Variants in ELMO1 observed in about 807,000 individuals in gnomAD.
ELMO1 encodes engulfment and cell motility 1.
ELMO1 carries 26 observed loss-of-function variants against 98.9 expected under a neutral mutation model. The observed-to-expected ratio is 0.26, with a 90% confidence interval of 0.19 to 0.36. The LOEUF (loss-of-function observed/expected upper bound fraction) is 0.36, where lower values mean the gene tolerates loss of function less well. ELMO1 is among the 10% of genes least tolerant of loss of function. The pLI is 1.00. For synonymous variants in ELMO1, 346 were observed against 346.0 expected, an observed-to-expected ratio of 1.00 and a Z score of 0.00; for missense variants, 627 against 935.2, an observed-to-expected ratio of 0.67 and a Z score of 4.30.
At chr7:37,256,572 AAG>A (rs1795662086) in intron 6 of ELMO1, among the ~76,000 whole-genome samples, 1 of 120,326 alleles carries the variant, frequency 8.3e-6, no homozygotes, top group African/African-American at 3.2e-5. Flanking sequence ...GGAAGGAAGG[AAG>A]GAAAGGAGGG....
intron 15 of ELMO1, among the ~76,000 whole-genome samples, chr7:37,055,449 A>G (rs1796342755): frequency 6.6e-6 from 1 of 152,200 alleles, no homozygotes; most frequent in Non-Finnish European, 1.5e-5. Context: ...ACTTTCAAGT[A>G]TGTGTGTAAA....
At chr7:37,023,418 T>C (rs1229021552) in intron 15 of ELMO1, among the ~76,000 whole-genome samples, 2 of 152,142 alleles carry the variant, frequency 1.3e-5, no homozygotes, top group South Asian at 2.1e-4. Context: ...CCATCACCTC[T>C]AGAAATAGGG....
rs148707437 is a variant in ELMO1 at position 37,220,580 on chromosome 7, C to T, written c.780+2035G>A. Among the ~76,000 whole-genome samples the T allele has an allele frequency of 3.4e-4, 52 of 152,224 alleles. 1 individual carries two copies. In the East Asian group the frequency reaches 6.9e-3, roughly 20 times the overall value. ...ACAAAATCCAAACCTAATCTTATAT[C>T]GACATTCCATTATATTACCATTATT... On this transcript the variant is annotated intron_variant, in intron 10 of 21. Coordinates refer to ENST00000310758, the MANE Select transcript of ELMO1 (RefSeq NM_014800.11).
chr7:37,100,659 T>A (rs1426054950), intron 14 of ELMO1, among the ~76,000 whole-genome samples: 1 of 152,242 alleles, frequency 6.6e-6, no homozygotes, highest in Non-Finnish European at 1.5e-5. Context: ...GCTTCTTCCA[T>A]GCCCTGTCAC....
At chr7:37,441,254 C>CA (rs55878609) in intron 1 of ELMO1, among the ~76,000 whole-genome samples, 152,165 of 152,166 alleles carry the variant, frequency 1, 76,082 homozygotes, top group Non-Finnish European at 1. Flanking sequence ...TATAACCCAG[C>CA]ATATTTCTAC....
rs6150082 is a variant in ELMO1 at position 37,161,905 on chromosome 7, AATATATATATATATATATAT to A, written c.1087-28691_1087-28672del. 6.1e-4 allele frequency among the ~76,000 whole-genome samples: 26 copies of A among 42,438 alleles called. 2 individuals are homozygous for A. Among genetic ancestry groups the A allele is most frequent in the East Asian group, 3.4e-3 (6 of 1,786 alleles). 27.8% of individuals were successfully genotyped at this position (42,438 alleles called of 152,430 possible). ...ATTATAGAAAGCCTTCAGGTAATCA[AATATATATATATATATATAT>A]ATATATATATGTTAAGCGTGATGTA... is the stretch of plus-strand genomic sequence containing the variant. On this transcript the variant is annotated intron_variant, in intron 13 of 21. Transcript: ENST00000310758.
intron 4 of ELMO1, among the ~76,000 whole-genome samples, chr7:37,291,914 C>G (rs1797699708): frequency 1.2e-5 from 1 of 82,382 alleles, no homozygotes; most frequent in Admixed American, 1.3e-4. Flanking sequence ...AAACTCTGCT[C>G]CCTCTCCCTC....
chr7:36,994,025 T>C (rs554539966), intron 16 of ELMO1, among the ~76,000 whole-genome samples: 2 of 152,278 alleles, frequency 1.3e-5, no homozygotes, highest in African/African-American at 2.4e-5. Context: ...CACAAAAAAA[T>C]CCCAGTGGGA....
At chr7:37,239,228 C>T (rs532129038) in intron 7 of ELMO1, among the ~76,000 whole-genome samples, 23 of 152,050 alleles carry the variant, frequency 1.5e-4, no homozygotes, top group African/African-American at 4.3e-4. Flanking sequence ...TGCAGTGGCA[C>T]GACGTCGGCT....
chr7:37,015,879 C>G (rs1210621949), intron 15 of ELMO1, among the ~76,000 whole-genome samples: 4 of 152,136 alleles, frequency 2.6e-5, no homozygotes, highest in Non-Finnish European at 5.9e-5. Context: ...GTGATCCCAC[C>G]CCAGCCTGTG....
intron 16 of ELMO1, among the ~76,000 whole-genome samples, chr7:36,970,963 G>A (rs921498776): frequency 6.6e-6 from 1 of 152,186 alleles, no homozygotes; most frequent in African/African-American, 2.4e-5. Context: ...TGACAGAGCT[G>A]GACATCAGAA....
At chr7:36,898,073 TATC>T (rs1806178744) in intron 16 of ELMO1, among the ~76,000 whole-genome samples, 2 of 152,312 alleles carry the variant, frequency 1.3e-5, no homozygotes, top group South Asian at 4.1e-4. Context: ...CTGTGAAAGG[TATC>T]ATTAAATTTT....
chr7:37,234,053 C>T (rs184769845), intron 7 of ELMO1, among the ~76,000 whole-genome samples: 5 of 152,270 alleles, frequency 3.3e-5, no homozygotes, highest in East Asian at 1.9e-4. Flanking sequence ...GACTTAGATA[C>T]ACAGAATCTT....
At chr7:37,232,542 T>G (rs1794232526) in intron 8 of ELMO1, among the ~76,000 whole-genome samples, 2 of 152,240 alleles carry the variant, frequency 1.3e-5, no homozygotes, top group Admixed American at 1.3e-4. Context: ...AGGTCCATCT[T>G]CATTTGCTTC....
intron 2 of ELMO1, among the ~76,000 whole-genome samples, chr7:37,341,640 T>C (rs958595268): frequency 1.3e-5 from 2 of 152,206 alleles, no homozygotes; most frequent in African/African-American, 4.8e-5. Flanking sequence ...TAATGATTCC[T>C]TTGGATTCGC....
intron 1 of ELMO1, among the ~76,000 whole-genome samples, chr7:37,396,458 G>A (rs1422361437): frequency 6.6e-6 from 1 of 152,110 alleles, no homozygotes; most frequent in African/African-American, 2.4e-5. Context: ...TGAAAGAAAA[G>A]AATGATAAAA....
chr7:37,384,668 C>T (rs1022891821), intron 1 of ELMO1, among the ~76,000 whole-genome samples: 1 of 150,368 alleles, frequency 6.7e-6, no homozygotes, highest in South Asian at 2.1e-4. Context: ...TGCAGTGAGC[C>T]GAGATAGAGC....
chr7:37,035,587 G>C (rs566637700), intron 15 of ELMO1, among the ~76,000 whole-genome samples: 2 of 152,304 alleles, frequency 1.3e-5, no homozygotes, highest in East Asian at 1.9e-4. Flanking sequence ...TGCAGCTGCA[G>C]ACCTCAATAT....
intron 15 of ELMO1, among the ~76,000 whole-genome samples, chr7:37,077,213 T>C (rs1333773753): frequency 1.3e-5 from 2 of 152,192 alleles, no homozygotes; most frequent in African/African-American, 2.4e-5. Flanking sequence ...TATGCAAATA[T>C]GCAATTCAAT....
Sources: gnomAD v4.1 joint callset for allele counts (sites outside exome capture counted in the v4.1 genomes callset) on GRCh38, gnomAD v4.1.1 for gene constraint, MANE v1.5 for transcripts, NCBI Gene and HGNC (gene_info 2026-07-23, HGNC 2026-07-21) for gene names.